MSRB3: variants seen among roughly 807,000 people sequenced by gnomAD.
MSRB3 encodes the protein methionine-R-sulfoxide reductase B3.
Under a neutral mutation model 21.0 loss-of-function variants are expected in MSRB3, and 13 were observed. That is an observed-to-expected ratio of 0.62 (90% CI 0.40 to 0.98). MSRB3 has a LOEUF of 0.98. Among genes scored for constraint, MSRB3 ranks in the 50% least tolerant of loss-of-function variants. The pLI, the probability that MSRB3 is intolerant of heterozygous loss-of-function variation, is 0.00. For missense variants in MSRB3, 199 were observed against 230.3 expected (o/e 0.86, Z 0.88); for synonymous variants, 87 against 88.6 (o/e 0.98, Z 0.10).
At position 65,354,512 on chromosome 12, in the gene MSRB3, C is replaced by T. The variant is rs147954411; in HGVS notation, c.264-14486C>T. Among the ~76,000 whole-genome samples the T allele has an allele frequency of 4.7e-3, 713 of 152,064 alleles. 8 individuals carry two copies. The highest frequency in any genetic ancestry group is 0.02 in the Middle Eastern group (6 of 294). Reference sequence around the variant, plus strand: ...CTGATAACCCTTTCTTCCAGTTGATCGAATCGGCTACTGAGGCTTGTGCAT... The same window carrying T: ...CTGATAACCCTTTCTTCCAGTTGATTGAATCGGCTACTGAGGCTTGTGCAT... On this transcript the variant is annotated intron_variant, in intron 4 of 6. Transcript: ENST00000308259.
At chr12:65,402,662 A>G (rs1038992020) in intron 5 of MSRB3, among the ~76,000 whole-genome samples, 12 of 152,102 alleles carry the variant, frequency 7.9e-5, no homozygotes, top group Admixed American at 1.3e-4. Context: ...TTGCTGGCAA[A>G]AAGTTGTGAT....
Position 65,466,764 on chromosome 12 carries a change from T to C in MSRB3, c.*3442T>C, listed in dbSNP as rs1883590313. ...TATCTTTTGTTTAGATGGTTAAATA[T>C]TATTTTTGCCTTAGATAGCTTTGTA... On this transcript the variant is annotated 3_prime_UTR_variant, in exon 7 of 7. Transcript: ENST00000308259. 1 of 152,228 alleles carries C rather than the reference T, an allele frequency of 6.6e-6. No homozygotes were observed. 9.4% of individuals were successfully genotyped at this position (152,228 alleles called of 1,614,324 possible).
chr12:65,314,306 T>G (rs1427435666), intron 2 of MSRB3, among the ~76,000 whole-genome samples: 1 of 152,186 alleles, frequency 6.6e-6, no homozygotes, highest in African/African-American at 2.4e-5. Flanking sequence ...TGCTGTGTTT[T>G]GAATTTTTAT....
At chr12:65,279,655 T>C (rs1310609599) in intron 1 of MSRB3, 1 of 152,234 alleles carries the variant, frequency 6.6e-6, no homozygotes, top group Non-Finnish European at 1.5e-5. Context: ...CTAATAGCTA[T>C]CGGAAGTGGC....
chr12:65,422,388 G>GTATATATATATATA (rs59746471), intron 5 of MSRB3, among the ~76,000 whole-genome samples: 28 of 92,446 alleles, frequency 3.0e-4, no homozygotes, highest in South Asian at 4.0e-4. Flanking sequence ...GGAGTACATA[G>GTATATATATATATA]TATATATATA....
At chr12:65,410,146 A>T (rs1002682448) in intron 5 of MSRB3, among the ~76,000 whole-genome samples, 1 of 151,912 alleles carries the variant, frequency 6.6e-6, no homozygotes, top group Non-Finnish European at 1.5e-5. Flanking sequence ...TATTTCATGT[A>T]TTGCCAGTTT....
chr12:65,402,895 C>T (rs530194512), intron 5 of MSRB3, among the ~76,000 whole-genome samples: 1 of 152,146 alleles, frequency 6.6e-6, no homozygotes, highest in Non-Finnish European at 1.5e-5. Flanking sequence ...TGCTGGAGGT[C>T]CACTCCAGAC....
chr12:65,306,199 A>G (rs1170516707), intron 1 of MSRB3, among the ~76,000 whole-genome samples: 1 of 152,190 alleles, frequency 6.6e-6, no homozygotes, highest in Non-Finnish European at 1.5e-5. Context: ...TCTGTTTGTT[A>G]AAGTGTTTTA....
At chr12:65,295,973 G>A (rs1045334532) in intron 1 of MSRB3, among the ~76,000 whole-genome samples, 2 of 152,158 alleles carry the variant, frequency 1.3e-5, no homozygotes, top group African/African-American at 4.8e-5. Context: ...AATATTGGCA[G>A]TTTTAGTTGA....
intron 2 of MSRB3, among the ~76,000 whole-genome samples, chr12:65,311,736 C>A (rs955193509): frequency 2.6e-5 from 4 of 151,974 alleles, no homozygotes; most frequent in Non-Finnish European, 5.9e-5. Context: ...GATGTCTGTT[C>A]CCTAACCAGT....
At chr12:65,309,050 G>T in intron 2 of MSRB3, 1 of 228,186 alleles carries the variant, frequency 4.4e-6, no homozygotes. Flanking sequence ...TTCCACATGT[G>T]GTCATTCCTT....
rs1317999781 is a variant in MSRB3 at position 65,439,335 on chromosome 12, G to A, written c.293-14393G>A. ...ACTTGATTTAAAAATACATAGTTACGGTGGATAACTTTGATCTCTCTCTCA... is the reference window on the plus strand; with the variant it reads ...ACTTGATTTAAAAATACATAGTTACAGTGGATAACTTTGATCTCTCTCTCA... On this transcript the variant is annotated intron_variant, in intron 5 of 6. Coordinates refer to ENST00000308259, the MANE Select transcript of MSRB3 (RefSeq NM_001031679.3). Among the ~76,000 whole-genome samples the A allele has an allele frequency of 3.3e-5, 5 of 151,664 alleles. No individual in the cohort carries two copies. The East Asian group carries it at 5.8e-4, about 18-fold the overall frequency.
chr12:65,302,062 T>C (rs987003214), intron 1 of MSRB3, among the ~76,000 whole-genome samples: 1 of 152,142 alleles, frequency 6.6e-6, no homozygotes, highest in Admixed American at 6.5e-5. Flanking sequence ...ATTTTAAGAA[T>C]AGTCATTTTG....
intron 2 of MSRB3, among the ~76,000 whole-genome samples, chr12:65,315,243 A>G (rs1874216171): frequency 6.6e-6 from 1 of 152,198 alleles, no homozygotes; most frequent in African/African-American, 2.4e-5. Flanking sequence ...GTGCCTTTGC[A>G]TTTGAAATCA....
intron 5 of MSRB3, among the ~76,000 whole-genome samples, chr12:65,390,342 A>T (rs1879410254): frequency 6.6e-6 from 1 of 152,198 alleles, no homozygotes; most frequent in African/African-American, 2.4e-5. Context: ...GGTTCTCAGT[A>T]CACTACGCTG....
At chr12:65,425,284 T>C (rs189821023) in intron 5 of MSRB3, among the ~76,000 whole-genome samples, 1 of 152,018 alleles carries the variant, frequency 6.6e-6, no homozygotes, top group East Asian at 1.9e-4. Flanking sequence ...CAGAATATAG[T>C]TGGGTCTTGT....
chr12:65,326,830 GTGTAGGGATAAAAAGAAC>G lies in MSRB3; in HGVS notation c.86_103del (p.Arg29_Cys34del), dbSNP rs763984142. ...CCATATCCTCTCTCTTTTCAGGGTCGTGTAGGGATAAAAAGAACTGTAAGGTGGTCTTTTCCCAGCAGG... is the reference window on the plus strand; with the variant it reads ...CCATATCCTCTCTCTTTTCAGGGTCGTGTAAGGTGGTCTTTTCCCAGCAGG... On this transcript the variant is annotated inframe_deletion, in exon 3 of 7. Coordinates refer to ENST00000308259, the MANE Select transcript of MSRB3 (RefSeq NM_001031679.3). 1.4e-4 allele frequency: 224 copies of G among 1,612,818 alleles called. No homozygotes were observed. Among genetic ancestry groups the G allele is most frequent in the Non-Finnish European group, 1.5e-4 (180 of 1,179,126 alleles).
intron 5 of MSRB3, among the ~76,000 whole-genome samples, chr12:65,396,797 T>G (rs1879843442): frequency 6.6e-6 from 1 of 152,052 alleles, no homozygotes; most frequent in Non-Finnish European, 1.5e-5. Context: ...GTGGTCTATC[T>G]TGGTAAATAT....
chr12:65,435,269 C>A (rs191974230), intron 5 of MSRB3, among the ~76,000 whole-genome samples: 6 of 151,914 alleles, frequency 3.9e-5, no homozygotes, highest in Admixed American at 3.9e-4. Flanking sequence ...GTTGCTTTTC[C>A]ATCTTTTGGC....
Sources: allele counts gnomAD v4.1 joint callset (sites outside exome capture counted in the v4.1 genomes callset), GRCh38; gene constraint gnomAD v4.1.1; transcripts MANE v1.5; gene names NCBI Gene and HGNC (gene_info 2026-07-23, HGNC 2026-07-21).